Variants in NOS1 observed in about 807,000 individuals in gnomAD.
The protein encoded by NOS1 is NOS type I.
NOS1 carries 51 observed loss-of-function variants against 164.5 expected under a neutral mutation model. That is an observed-to-expected ratio of 0.31 (90% CI 0.25 to 0.39). The LOEUF (loss-of-function observed/expected upper bound fraction) is 0.39. NOS1 is among the 10% of genes least tolerant of loss of function. NOS1 has a pLI of 1.00. For synonymous variants in NOS1, 719 were observed against 745.8 expected (o/e 0.96, Z 0.59); for missense variants, 1,362 against 1,885.6 (o/e 0.72, Z 5.14).
At chr12:117,238,438 C>G (rs947284269) in intron 20 of NOS1, among the ~76,000 whole-genome samples, 10 of 152,310 alleles carry the variant, frequency 6.6e-5, no homozygotes, top group Middle Eastern at 3.4e-3. Flanking sequence ...ATAAACCCCC[C>G]TGCATTTCAC....
At chr12:117,322,018 C>T (rs112991215) in intron 2 of NOS1, among the ~76,000 whole-genome samples, 1,045 of 43,734 alleles carry the variant, frequency 0.024, 15 homozygotes, top group Admixed American at 0.033. Context: ...CCTTCCCTCC[C>T]TCTCTCCTTC....
intron 18 of NOS1, among the ~76,000 whole-genome samples, chr12:117,247,025 T>A (rs759635763): frequency 1.3e-5 from 2 of 152,144 alleles, no homozygotes; most frequent in African/African-American, 2.4e-5. Flanking sequence ...TGGTTGACCA[T>A]CTCTTGTTTT....
intron 21 of NOS1, among the ~76,000 whole-genome samples, chr12:117,232,960 C>T (rs977384277): frequency 4.6e-5 from 7 of 151,136 alleles, no homozygotes; most frequent in East Asian, 2.0e-4. Flanking sequence ...CTTGAACTCC[C>T]GGGCTCAAGT....
intron 11 of NOS1, among the ~76,000 whole-genome samples, chr12:117,266,109 T>C (rs1872388733): frequency 6.6e-6 from 1 of 152,060 alleles, no homozygotes; most frequent in Non-Finnish European, 1.5e-5. Flanking sequence ...TTTTTCTTTT[T>C]CTATTTTTTA....
intron 7 of NOS1, among the ~76,000 whole-genome samples, 184 bp downstream of exon 7, chr12:117,285,057 A>AAAT (rs1555255592): frequency 7.3e-5 from 11 of 151,050 alleles, no homozygotes; most frequent in African/African-American, 2.4e-4. Context: ...CTCAAAAAAA[A>AAAT]AAATAAATAA....
rs1317969813 is a variant in NOS1 at position 117,278,086 on chromosome 12, G to C, written c.1537C>G (p.Gln513Glu). The C allele has an allele frequency of 1.9e-6, 3 of 1,613,108 alleles. No individual in the cohort carries two copies. The highest frequency in any genetic ancestry group is 2.5e-6 in the Non-Finnish European group (3 of 1,179,598). The change falls in exon 9 of 29, where the codon CAG (glutamine) becomes GAG (glutamate). Residue 513 changes from glutamine to glutamate, a missense_variant. Gln to Glu is a conservative substitution (Grantham distance 29). Around this residue, in one of 4 missense-constraint regions of NOS1, gnomAD observed 134 missense variants for 267.3 expected, o/e 0.50. Coordinates refer to ENST00000317775, the MANE Select transcript of NOS1 (RefSeq NM_000620.5). ...NVQFTEICIQ[Q>E]GWKPPRGRFD... Reference sequence around the variant, plus strand: ...CGGCCTCTAGGCGGTTTCCAGCCCTGCTGTATGCATATCTGCAAGCAGACC... The same window carrying C: ...CGGCCTCTAGGCGGTTTCCAGCCCTCCTGTATGCATATCTGCAAGCAGACC...
At position 117,256,824 on chromosome 12, in the gene NOS1, C is replaced by T. The variant is rs1176352245; in HGVS notation, c.2531+1573G>A. ...CGGTGGCTCAGGCCTGTAATCCCAG[C>T]ACTTTGGGAGGCTGAGGCAGGCAGA... On this transcript the variant is annotated intron_variant, in intron 16 of 28. Coordinates refer to ENST00000317775, the MANE Select transcript of NOS1 (RefSeq NM_000620.5). Among the ~76,000 whole-genome samples the T allele has an allele frequency of 2.0e-5, 3 of 151,894 alleles. No individual in the cohort carries two copies. The East Asian group carries it at 6.0e-4, about 30-fold the overall frequency.
intron 1 of NOS1, among the ~76,000 whole-genome samples, chr12:117,352,436 C>A (rs1876666267): frequency 6.6e-6 from 1 of 152,162 alleles, no homozygotes; most frequent in Admixed American, 6.5e-5. Context: ...ACCTCAAGCT[C>A]ATTTCTCAGT....
intron 2 of NOS1, among the ~76,000 whole-genome samples, chr12:117,320,235 A>G (rs183196216): frequency 4.1e-4 from 62 of 152,230 alleles, no homozygotes; most frequent in African/African-American, 1.5e-3. Flanking sequence ...TGCAGATATG[A>G]TGGGATGTTA....
At chr12:117,317,923 G>A (rs932478339) in intron 2 of NOS1, among the ~76,000 whole-genome samples, 3 of 152,168 alleles carry the variant, frequency 2.0e-5, no homozygotes, top group African/African-American at 7.2e-5. Flanking sequence ...TGTGATTCCA[G>A]CACTTTAGGA....
chr12:117,311,011 G>A (rs567599718), intron 3 of NOS1, among the ~76,000 whole-genome samples: 3 of 151,968 alleles, frequency 2.0e-5, no homozygotes, highest in African/African-American at 4.8e-5. Context: ...GACTACAGGC[G>A]CCCGCCACCA....
At chr12:117,337,272 T>C (rs1175593945) in intron 1 of NOS1, among the ~76,000 whole-genome samples, 1 of 151,998 alleles carries the variant, frequency 6.6e-6, no homozygotes, top group Non-Finnish European at 1.5e-5. Context: ...TGTGCTACCA[T>C]GCCCGGCTAA....
intron 12 of NOS1, 73 bp from the exon 13 acceptor site, chr12:117,264,047 G>T: frequency 8.8e-7 from 1 of 1,133,130 alleles, no homozygotes; most frequent in East Asian, 3.1e-5. Flanking sequence ...GGATGCTCAG[G>T]ACCACCTGGG....
chr12:117,292,159 C>T (rs144476454), intron 3 of NOS1, among the ~76,000 whole-genome samples: 1 of 152,204 alleles, frequency 6.6e-6, no homozygotes, highest in Non-Finnish European at 1.5e-5. Context: ...GGTACCTTGC[C>T]CTCTGGAGTG....
intron 3 of NOS1, among the ~76,000 whole-genome samples, chr12:117,300,141 T>A (rs1566065786): frequency 6.6e-6 from 1 of 152,132 alleles, no homozygotes; most frequent in Non-Finnish European, 1.5e-5. Flanking sequence ...TGTTGACCTG[T>A]AAGAGCCTCT....
chr12:117,265,886 G>T lies in NOS1; in HGVS notation c.1942-376C>A, dbSNP rs567258903. ...GCTCACTGCAAGCTCTGCCTCCCGG[G>T]TTCACACCATTCTCCTGCCTCAGCC... is the stretch of plus-strand genomic sequence containing the variant. On this transcript the variant is annotated intron_variant, in intron 11 of 28. Transcript: ENST00000317775. Among the ~76,000 whole-genome samples, 11 of 151,872 alleles carry T rather than the reference G, an allele frequency of 7.2e-5. No individual in the cohort carries two copies. In the East Asian group the frequency reaches 1.7e-3, roughly 24 times the overall value.
rs111421567 is a variant in NOS1 at position 117,272,998 on chromosome 12, G to A, written c.1665-439C>T. On this transcript the variant is annotated intron_variant, in intron 9 of 28. Transcript: ENST00000317775. The surrounding 1 kb of genome is among the most constrained non-coding windows in gnomAD (Gnocchi z 4.3). Reference sequence around the variant, plus strand: ...TTGGGGGGTAGGGGAATGCAGTCTCGCTCTGTCATGCAGGCTTCCTCCTGG... The same window carrying A: ...TTGGGGGGTAGGGGAATGCAGTCTCACTCTGTCATGCAGGCTTCCTCCTGG... Among the ~76,000 whole-genome samples the A allele has an allele frequency of 5.1e-4, 77 of 152,096 alleles. 1 individual carries two copies. Among genetic ancestry groups the A allele is most frequent in the African/African-American group, 1.6e-3 (67 of 41,498 alleles).
chr12:117,289,724 GC>G (rs1414368633), intron 4 of NOS1, among the ~76,000 whole-genome samples: 1 of 152,202 alleles, frequency 6.6e-6, no homozygotes, highest in Non-Finnish European at 1.5e-5. Context: ...CTTATCACAA[GC>G]TTGGAATGTT....
At chr12:117,269,233 G>A (rs557949389) in intron 10 of NOS1, among the ~76,000 whole-genome samples, 8 of 152,250 alleles carry the variant, frequency 5.3e-5, no homozygotes, top group Admixed American at 5.2e-4. Flanking sequence ...GATCTGGGGA[G>A]AGAGTGCTCT....
Sources: gnomAD v4.1 joint callset for allele counts (sites outside exome capture counted in the v4.1 genomes callset) on GRCh38, gnomAD v4.1.1 for gene constraint, gnomAD v4.1.1 regional missense constraint, Gnocchi (gnomAD v3.1) non-coding constraint, MANE v1.5 for transcripts, NCBI Gene and HGNC (gene_info 2026-07-23, HGNC 2026-07-21) for gene names.